Variants in LRFN5 observed in about 807,000 individuals in gnomAD.
LRFN5 encodes the protein leucine-rich repeat and fibronectin type-III domain-containing protein 5.
A neutral mutation model predicts 45.6 loss-of-function variants in LRFN5; 24 were observed. The observed-to-expected ratio is 0.53, with a 90% confidence interval of 0.38 to 0.74. The LOEUF is 0.74. Among genes scored for constraint, LRFN5 ranks in the 30% least tolerant of loss-of-function variants. The pLI, the probability that LRFN5 is intolerant of heterozygous loss-of-function variation, is 0.00. For missense variants in LRFN5, 776 were observed against 861.5 expected, an observed-to-expected ratio of 0.90 and a Z score of 1.24; for synonymous variants, 340 against 313.8, an observed-to-expected ratio of 1.08 and a Z score of -0.88.
chr14:41,800,782 A>T (rs1186142908), intron 2 of LRFN5, among the ~76,000 whole-genome samples: 1 of 151,932 alleles, frequency 6.6e-6, no homozygotes, highest in Non-Finnish European at 1.5e-5. Flanking sequence ...CTGGAGAAAA[A>T]AAAAACACTG....
rs953066427 is a variant in LRFN5, at chr14:41,657,929, G to GA, written c.-197+49379dup. ...GTTGAAAACCAGCTTGGGAGAAAAA[G>GA]AAAAAAAAAAAACCTCTGACCTATG... On this transcript the variant is annotated intron_variant, in intron 1 of 5. Coordinates refer to ENST00000298119, the MANE Select transcript of LRFN5 (RefSeq NM_152447.5). 5.6e-3 allele frequency among the ~76,000 whole-genome samples: 719 copies of GA among 128,490 alleles called. 2 individuals carry two copies. Among genetic ancestry groups the GA allele is most frequent in the Non-Finnish European group, 5.6e-3 (331 of 58,588 alleles). 84.3% of individuals were successfully genotyped at this position (128,490 alleles called of 152,430 possible).
chr14:41,662,451 T>G (rs1171310159), intron 1 of LRFN5, among the ~76,000 whole-genome samples: 1 of 151,966 alleles, frequency 6.6e-6, no homozygotes, highest in East Asian at 1.9e-4. Context: ...ATAGATATAT[T>G]TTGCTACATG....
At chr14:41,624,556 G>A (rs751364191) in intron 1 of LRFN5, among the ~76,000 whole-genome samples, 3 of 152,108 alleles carry the variant, frequency 2.0e-5, no homozygotes, top group Non-Finnish European at 4.4e-5. Context: ...TCTGAAAAGT[G>A]CTCTGAACAC....
chr14:41,609,660 T>C lies in LRFN5; in HGVS notation c.-197+1098T>C, dbSNP rs114020192. Among the ~76,000 whole-genome samples the C allele has an allele frequency of 4.1e-3, 626 of 152,304 alleles. 12 individuals are homozygous for C. Among genetic ancestry groups the C allele is most frequent in the African/African-American group, 0.014 (597 of 41,574 alleles). On this transcript the variant is annotated intron_variant, in intron 1 of 5. Coordinates refer to ENST00000298119, the MANE Select transcript of LRFN5 (RefSeq NM_152447.5). Reference sequence around the variant, plus strand: ...GTAGTCTCATCAATGTTTTATTCCATAGTGAAGACGGTCTGAATAATTTAA... The same window carrying C: ...GTAGTCTCATCAATGTTTTATTCCACAGTGAAGACGGTCTGAATAATTTAA...
At chr14:41,673,711 G>C (rs1388895289) in intron 1 of LRFN5, among the ~76,000 whole-genome samples, 1 of 138,424 alleles carries the variant, frequency 7.2e-6, no homozygotes, top group African/African-American at 2.7e-5. Context: ...GTGGCTGGCC[G>C]GGCAGAGGGG....
chr14:41,860,654 T>G (rs1169234326), intron 2 of LRFN5, among the ~76,000 whole-genome samples: 1 of 152,220 alleles, frequency 6.6e-6, no homozygotes, highest in Non-Finnish European at 1.5e-5. Context: ...TCTTTACATT[T>G]TCATCAAGTT....
chr14:41,884,573 G>A (rs1274230612), intron 2 of LRFN5, among the ~76,000 whole-genome samples: 1 of 152,106 alleles, frequency 6.6e-6, no homozygotes, highest in Non-Finnish European at 1.5e-5. Context: ...GTCGCAGGCT[G>A]GACTGCTTAT....
chr14:41,886,583 C>G lies in LRFN5; in HGVS notation c.-20-23C>G, dbSNP rs766186009. ...AATTAAATCACTGGATGCTAACATTCTATTTTGTGTCTTCCGTTACAGGCT... is the reference window on the plus strand; with the variant it reads ...AATTAAATCACTGGATGCTAACATTGTATTTTGTGTCTTCCGTTACAGGCT... On this transcript the variant is annotated intron_variant, in intron 2 of 5. Coordinates refer to ENST00000298119, the MANE Select transcript of LRFN5 (RefSeq NM_152447.5). 41 of 1,433,310 alleles carry G rather than the reference C, an allele frequency of 2.9e-5. No individual in the cohort carries two copies. The South Asian group carries it at 5.5e-4, about 19-fold the overall frequency. 88.8% of individuals were successfully genotyped at this position (1,433,310 alleles called of 1,614,324 possible).
intron 2 of LRFN5, among the ~76,000 whole-genome samples, chr14:41,826,093 T>C (rs1888285097): frequency 1.3e-5 from 2 of 152,208 alleles, no homozygotes; most frequent in African/African-American, 4.8e-5. Flanking sequence ...AGAACTGGCC[T>C]CAGATAGGTC....
At chr14:41,792,569 G>A (rs1031762322) in intron 2 of LRFN5, among the ~76,000 whole-genome samples, 1 of 147,870 alleles carries the variant, frequency 6.8e-6, no homozygotes, top group African/African-American at 2.4e-5. Flanking sequence ...AATATTCCTT[G>A]CTAGGAAAAC....
intron 2 of LRFN5, among the ~76,000 whole-genome samples, chr14:41,825,157 G>A (rs1888250453): frequency 6.6e-6 from 1 of 152,160 alleles, no homozygotes; most frequent in Non-Finnish European, 1.5e-5. Flanking sequence ...GAAGGACCGT[G>A]CCCTCTGTTC....
intron 2 of LRFN5, among the ~76,000 whole-genome samples, chr14:41,876,189 C>T (rs2139128048): frequency 6.6e-6 from 1 of 151,450 alleles, no homozygotes; most frequent in African/African-American, 2.4e-5. Flanking sequence ...TATAATTGTT[C>T]TCTATTCTAT....
At chr14:41,756,464 C>T (rs1266207710) in intron 1 of LRFN5, among the ~76,000 whole-genome samples, 1 of 152,104 alleles carries the variant, frequency 6.6e-6, no homozygotes, top group Admixed American at 6.6e-5. Context: ...TTATTCGTTT[C>T]TTTTTTATTC....
At chr14:41,900,444 G>A (rs1037199948) in intron 5 of LRFN5, among the ~76,000 whole-genome samples, 1 of 151,934 alleles carries the variant, frequency 6.6e-6, no homozygotes, top group Admixed American at 6.6e-5. Flanking sequence ...TTTTGCAAAT[G>A]TGATACATAT....
chr14:41,799,616 TTTG>T, intron 2 of LRFN5, among the ~76,000 whole-genome samples: 1 of 152,180 alleles, frequency 6.6e-6, no homozygotes, highest in South Asian at 2.1e-4. Flanking sequence ...CTTTCTCTTA[TTTG>T]TTAATGTATT....
At chr14:41,625,518 T>C (rs1888298141) in intron 1 of LRFN5, among the ~76,000 whole-genome samples, 1 of 152,130 alleles carries the variant, frequency 6.6e-6, no homozygotes, top group Admixed American at 6.6e-5. Flanking sequence ...TATTTCTTCA[T>C]AGCAGCGTGA....
chr14:41,734,580 T>C (rs72686540), intron 1 of LRFN5, among the ~76,000 whole-genome samples: 1 of 150,846 alleles, frequency 6.6e-6, no homozygotes, highest in South Asian at 2.1e-4. Flanking sequence ...TTATAAGCAG[T>C]ATACAATGGA....
At chr14:41,632,325 C>T (rs1339591164) in intron 1 of LRFN5, among the ~76,000 whole-genome samples, 4 of 152,030 alleles carry the variant, frequency 2.6e-5, no homozygotes, top group East Asian at 3.9e-4. Flanking sequence ...TGTTGTTGGC[C>T]GGGCGTGGTG....
intron 2 of LRFN5, among the ~76,000 whole-genome samples, chr14:41,803,689 T>C (rs1887419113): frequency 6.6e-6 from 1 of 152,108 alleles, no homozygotes; most frequent in Non-Finnish European, 1.5e-5. Flanking sequence ...AACATTTTTG[T>C]CATTATATGC....
Sources: gnomAD v4.1 joint callset for allele counts (sites outside exome capture counted in the v4.1 genomes callset) on GRCh38, gnomAD v4.1.1 for gene constraint, MANE v1.5 for transcripts, NCBI Gene and HGNC (gene_info 2026-07-23, HGNC 2026-07-21) for gene names.